The following ZNF326 variants were observed in gnomAD, a reference collection of about 807,000 sequenced individuals.
ZNF326 encodes the protein zinc finger protein 326.
ZNF326 carries 30 observed loss-of-function variants against 63.1 expected under a neutral mutation model. That is an observed-to-expected ratio of 0.48 (90% CI 0.36 to 0.64). The LOEUF is 0.64. Among genes scored for constraint, ZNF326 ranks in the 30% least tolerant of loss-of-function variants. The probability of loss-of-function intolerance (pLI) is 0.00; values close to 1 mark genes in which losing one functional copy is unlikely to be tolerated. For synonymous variants in ZNF326, 194 were observed against 228.2 expected, an observed-to-expected ratio of 0.85 and a Z score of 1.35; for missense variants, 609 against 720.3, an observed-to-expected ratio of 0.85 and a Z score of 1.77.
chr1:90,014,605 A>T (rs952933015), intron 7 of ZNF326, among the ~76,000 whole-genome samples: 3 of 152,186 alleles, frequency 2.0e-5, no homozygotes, highest in African/African-American at 7.2e-5. Flanking sequence ...GCAGTTTTTT[A>T]AAAATGTCTA....
chr1:90,015,390 G>A (rs961653942), intron 7 of ZNF326, among the ~76,000 whole-genome samples: 9 of 152,160 alleles, frequency 5.9e-5, no homozygotes, highest in African/African-American at 1.9e-4. Flanking sequence ...CTAAATAAGG[G>A]TATAGGAGAC....
At chr1:90,001,010 G>A (rs1648648832) in intron 2 of ZNF326, among the ~76,000 whole-genome samples, 1 of 152,136 alleles carries the variant, frequency 6.6e-6, no homozygotes, top group East Asian at 1.9e-4. Flanking sequence ...GTTAAGAGGT[G>A]ATGGGGCATA....
At position 90,005,566 on chromosome 1, in the gene ZNF326, A is replaced by G. The variant is rs184078868; in HGVS notation, c.209+322A>G. 4.1e-5 allele frequency: 38 copies of G among 917,888 alleles called. No individual in the cohort carries two copies. In the East Asian group the frequency reaches 3.1e-3, roughly 74 times the overall value. The allele number at this position is 917,888 out of a possible 1,614,324, so 56.9% of individuals were successfully genotyped here. ...AAGTATCCTGAAAAATGATATAAAA[A>G]TGTTATTGAAAATATTATTTATGAA... On this transcript the variant is annotated intron_variant, in intron 4 of 11. Transcript: ENST00000340281.
chr1:90,017,629 T>C (rs1334912689), intron 8 of ZNF326, among the ~76,000 whole-genome samples, 165 bp downstream of exon 8: 1 of 152,258 alleles, frequency 6.6e-6, no homozygotes, highest in Non-Finnish European at 1.5e-5. Context: ...TGAATTCCTC[T>C]ATAATAGAAT....
intron 6 of ZNF326, among the ~76,000 whole-genome samples, chr1:90,012,009 G>A (rs894917884): frequency 1.3e-5 from 2 of 151,932 alleles, no homozygotes; most frequent in Admixed American, 6.6e-5. Flanking sequence ...GCTAATTGTT[G>A]TATCTTGAGT....
intron 7 of ZNF326, 67 bp from the exon 8 acceptor site, chr1:90,017,250 T>C: frequency 8.9e-7 from 1 of 1,123,954 alleles, no homozygotes; most frequent in Non-Finnish European, 1.2e-6. Flanking sequence ...TTCAATGTTA[T>C]ATTCTTATGA....
chr1:90,022,543 A>T (rs1406924405), intron 11 of ZNF326, among the ~76,000 whole-genome samples, 198 bp downstream of exon 11: 1 of 152,140 alleles, frequency 6.6e-6, no homozygotes, highest in Non-Finnish European at 1.5e-5. Context: ...TTCCTCTCTT[A>T]TCACCTTTGT....
chr1:90,027,841 T>C lies in ZNF326; in HGVS notation c.*140T>C. ...ATTAAAATTTGTTTTATATAATTTCTAAATGTTTAACATTTGTTTAATAAA... is the reference window on the plus strand; with the variant it reads ...ATTAAAATTTGTTTTATATAATTTCCAAATGTTTAACATTTGTTTAATAAA... On this transcript the variant is annotated 3_prime_UTR_variant, in exon 12 of 12. Coordinates refer to ENST00000340281, the MANE Select transcript of ZNF326 (RefSeq NM_182976.4). The C allele has an allele frequency of 1.3e-6, 1 of 760,942 alleles. No individual in the cohort carries two copies. The highest frequency in any genetic ancestry group is 2.0e-6 in the Non-Finnish European group (1 of 489,790). 47.1% of individuals were successfully genotyped at this position (760,942 alleles called of 1,614,324 possible).
rs768139814 is a variant in ZNF326 at position 90,020,856 on chromosome 1, T to C, written c.1239T>C (p.Tyr413=). 6.2e-7 allele frequency: 1 copy of C among 1,613,066 alleles called. No individual in the cohort carries two copies. Among genetic ancestry groups the C allele is most frequent in the South Asian group, 1.1e-5 (1 of 91,030 alleles). Residue 413 remains tyrosine (Y), a synonymous_variant, in exon 10 of 12, where the codon TAT becomes TAC. Transcript: ENST00000340281. ...ETVHCSACSV[Y]IPALHSSVQQ... ...TTCATTGCAGCGCTTGCAGTGTTTA[T>C]ATCCCTGCTTTACATAGTTCAGTTC...
intron 5 of ZNF326, among the ~76,000 whole-genome samples, 162 bp from the exon 6 acceptor site, chr1:90,009,924 CAG>C (rs1409631124): frequency 6.6e-6 from 1 of 152,060 alleles, no homozygotes; most frequent in East Asian, 1.9e-4. Flanking sequence ...TAATAATTTA[CAG>C]AGTTTTTCAA....
At chr1:90,008,033 C>T (rs1447110614) in intron 5 of ZNF326, among the ~76,000 whole-genome samples, 2 of 152,112 alleles carry the variant, frequency 1.3e-5, no homozygotes, top group African/African-American at 2.4e-5. Context: ...TTGCATTTTC[C>T]TTGTAAACAC....
intron 4 of ZNF326, chr1:90,006,112 A>G: frequency 1.0e-6 from 1 of 985,444 alleles, no homozygotes; most frequent in South Asian, 4.7e-5. Flanking sequence ...AATGATGCTT[A>G]CTTTCCTTCT....
intron 2 of ZNF326, among the ~76,000 whole-genome samples, chr1:89,999,075 A>G (rs549505957): frequency 2.6e-5 from 4 of 152,358 alleles, no homozygotes; most frequent in African/African-American, 9.6e-5. Context: ...GAAATTGAAA[A>G]TTACCAAAGG....
chr1:90,024,361 C>T (rs1271875897), intron 11 of ZNF326, among the ~76,000 whole-genome samples: 1 of 152,136 alleles, frequency 6.6e-6, no homozygotes, highest in Non-Finnish European at 1.5e-5. Flanking sequence ...GATAATCACC[C>T]CTTTCAGTAG....
chr1:89,998,848 G>A (rs1648528138), intron 2 of ZNF326, among the ~76,000 whole-genome samples: 1 of 152,170 alleles, frequency 6.6e-6, no homozygotes, highest in Non-Finnish European at 1.5e-5. Context: ...GATTGCCAGA[G>A]AAATGTAAAA....
chr1:90,023,967 T>C (rs1457020409), intron 11 of ZNF326, among the ~76,000 whole-genome samples: 1 of 152,232 alleles, frequency 6.6e-6, no homozygotes, highest in East Asian at 1.9e-4. Flanking sequence ...CCAGGCCTAC[T>C]GAATAAGAAT....
At chr1:89,999,601 C>A (rs1416472745) in intron 2 of ZNF326, among the ~76,000 whole-genome samples, 1 of 152,168 alleles carries the variant, frequency 6.6e-6, no homozygotes, top group African/African-American at 2.4e-5. Context: ...TTTTCAAAGT[C>A]TCTCTTTTCA....
intron 4 of ZNF326, chr1:90,006,136 G>A (rs902335650): frequency 2.0e-6 from 2 of 985,344 alleles, no homozygotes; most frequent in African/African-American, 3.5e-5. Flanking sequence ...TGCTTCCAGT[G>A]TACCACTATG....
chr1:90,033,580 G>A lies in ZNF326; in HGVS notation c.*5879G>A, dbSNP rs898113071. On this transcript the variant is annotated 3_prime_UTR_variant, in exon 12 of 12. Coordinates refer to ENST00000340281, the MANE Select transcript of ZNF326 (RefSeq NM_182976.4). The stretch of plus-strand genomic sequence containing the variant: ...AAGTATCTTGGAAATAAACAGTTGT[G>A]AAAATAAACTCTGTTTTAGGCTGAT... The A allele has an allele frequency of 2.0e-5, 3 of 152,084 alleles. No homozygotes were observed. Among genetic ancestry groups the A allele is most frequent in the Non-Finnish European group, 4.4e-5 (3 of 67,998 alleles). The allele number at this position is 152,084 out of a possible 1,614,324, so 9.4% of individuals were successfully genotyped here.
Sources: allele counts gnomAD v4.1 joint callset (sites outside exome capture counted in the v4.1 genomes callset), GRCh38; gene constraint gnomAD v4.1.1; transcripts MANE v1.5; gene names NCBI Gene and HGNC (gene_info 2026-07-23, HGNC 2026-07-21).